SOX5: variants seen among roughly 807,000 people sequenced by gnomAD.
The protein encoded by SOX5 is SRY-box transcription factor 5.
Under a neutral mutation model 92.0 loss-of-function variants are expected in SOX5, and 9 were observed. The ratio of observed to expected loss-of-function variants is 0.10; its 90% confidence interval spans 0.06 to 0.17. SOX5 has a LOEUF of 0.17. Ranked by LOEUF, SOX5 falls within the 10% of genes least tolerant of loss-of-function variation. SOX5 has a pLI of 1.00. For synonymous variants in SOX5, 344 were observed against 336.3 expected (o/e 1.02, Z -0.25); for missense variants, 642 against 944.5 (o/e 0.68, Z 4.20).
chr12:23,777,865 G>A (rs532380504), intron 3 of SOX5, among the ~76,000 whole-genome samples: 85 of 152,258 alleles, frequency 5.6e-4, no homozygotes, highest in Middle Eastern at 3.4e-3. Flanking sequence ...TGATACATAA[G>A]AGATGAGATT....
rs372400590 is a variant in SOX5, at chr12:23,790,751, G to A, written c.482-35027C>T. On this transcript the variant is annotated intron_variant, in intron 3 of 14. Transcript: ENST00000451604. ...TGTGATTGTCTTTCAGTTACAAGCC[G>A]GCCTATCCAGACTGTACCCTACTAA... Among the ~76,000 whole-genome samples the A allele has an allele frequency of 4.3e-4, 66 of 152,034 alleles. No individual in the cohort carries two copies. The East Asian group carries it at 6.9e-3, about 16-fold the overall frequency.
intron 1 of SOX5, among the ~76,000 whole-genome samples, chr12:24,506,029 A>C (rs1457336216): frequency 6.6e-6 from 1 of 152,144 alleles, no homozygotes; most frequent in African/African-American, 2.4e-5. Flanking sequence ...TGGACTTTAA[A>C]ACTTTTCCTC....
At chr12:24,242,658 C>T (rs775946658) in intron 3 of SOX5, among the ~76,000 whole-genome samples, 15 of 150,438 alleles carry the variant, frequency 1.0e-4, no homozygotes, top group Non-Finnish European at 1.9e-4. Flanking sequence ...CACTTTTCAA[C>T]TACCCAACTG....
chr12:24,036,877 AT>A (rs1412477758), intron 4 of SOX5, among the ~76,000 whole-genome samples: 2 of 152,204 alleles, frequency 1.3e-5, no homozygotes, highest in African/African-American at 2.4e-5. Flanking sequence ...ACAATAAAGA[AT>A]CCTTTTATTG....
intron 9 of SOX5, among the ~76,000 whole-genome samples, chr12:23,589,593 G>A (rs1951233487): frequency 6.6e-6 from 1 of 151,868 alleles, no homozygotes; most frequent in African/African-American, 2.4e-5. Flanking sequence ...AGTAAGGGCT[G>A]GGAAGTAAGG....
chr12:24,213,419 T>TAAAAAAAAAAAAAAAAAAAAAA (rs67296842), intron 3 of SOX5: 1 of 96,862 alleles, frequency 1.0e-5, no homozygotes, highest in Non-Finnish European at 2.1e-5. Flanking sequence ...CTTGAAATGC[T>TAAAAAAAAAAAAAAAAAAAAAA]AAAAAAAAAA....
At chr12:24,177,898 T>G (rs1453943478) in intron 4 of SOX5, among the ~76,000 whole-genome samples, 1 of 152,206 alleles carries the variant, frequency 6.6e-6, no homozygotes, top group Non-Finnish European at 1.5e-5. Context: ...TTTTAGTGTG[T>G]GTGTTTCAAT....
chr12:23,601,867 G>A (rs2074540138), intron 9 of SOX5, among the ~76,000 whole-genome samples: 1 of 152,106 alleles, frequency 6.6e-6, no homozygotes, highest in Admixed American at 6.5e-5. Flanking sequence ...ACACACTGAA[G>A]AAATCTTTTC....
Position 24,494,593 on chromosome 12 carries a change from C to T in SOX5, c.-251+67736G>A, listed in dbSNP as rs74865664. On this transcript the variant is annotated intron_variant, in intron 1 of 4. Coordinates refer to the SOX5 transcript ENST00000446891. Reference sequence around the variant, plus strand: ...CATTCAACTTTCACAACTTCAACCCCCACCTTTACTCTTCCCTGGAAGTAA... The same window carrying T: ...CATTCAACTTTCACAACTTCAACCCTCACCTTTACTCTTCCCTGGAAGTAA... 3.0e-3 allele frequency among the ~76,000 whole-genome samples: 458 copies of T among 152,272 alleles called. 4 individuals are homozygous for T. Among genetic ancestry groups the T allele is most frequent in the African/African-American group, 9.6e-3 (400 of 41,556 alleles).
At chr12:23,661,983 T>C (rs74071402) in intron 7 of SOX5, among the ~76,000 whole-genome samples, 2,351 of 152,274 alleles carry the variant, frequency 0.015, 52 homozygotes, top group African/African-American at 0.054. Flanking sequence ...AAGTTGACAG[T>C]TTTAATAGAA....
chr12:24,453,666 C>G (rs886343750), intron 1 of SOX5, among the ~76,000 whole-genome samples: 2 of 152,130 alleles, frequency 1.3e-5, no homozygotes, highest in African/African-American at 4.8e-5. Flanking sequence ...TGAGCACATT[C>G]ACACAAGCAA....
At chr12:23,792,343 G>A (rs1353758542) in intron 3 of SOX5, among the ~76,000 whole-genome samples, 4 of 151,910 alleles carry the variant, frequency 2.6e-5, no homozygotes, top group Admixed American at 1.3e-4. Context: ...ATCTCGGACA[G>A]GCCAGGCACA....
At chr12:23,654,478 T>C (rs1467270830) in intron 7 of SOX5, among the ~76,000 whole-genome samples, 1 of 152,136 alleles carries the variant, frequency 6.6e-6, no homozygotes, top group Non-Finnish European at 1.5e-5. Context: ...CATATAAACA[T>C]ATAATCAAAA....
chr12:23,797,367 AG>A (rs1409093822), intron 3 of SOX5, among the ~76,000 whole-genome samples: 1 of 152,042 alleles, frequency 6.6e-6, no homozygotes, highest in Non-Finnish European at 1.5e-5. Context: ...TAACTCCACC[AG>A]GCTATGTGGG....
intron 1 of SOX5, among the ~76,000 whole-genome samples, chr12:24,385,671 TG>T (rs146324130): frequency 0.017 from 2,607 of 152,188 alleles, 62 homozygotes; most frequent in African/African-American, 0.059. Flanking sequence ...AAGATTTATA[TG>T]GCAGCCGGGC....
chr12:23,731,151 G>A (rs1046310904), intron 6 of SOX5, among the ~76,000 whole-genome samples: 1 of 152,174 alleles, frequency 6.6e-6, no homozygotes, highest in Admixed American at 6.5e-5. Flanking sequence ...TGTACTCCAG[G>A]ACTCACACTT....
chr12:23,698,573 A>T (rs1441924923), intron 6 of SOX5, among the ~76,000 whole-genome samples: 3 of 152,176 alleles, frequency 2.0e-5, no homozygotes, highest in Non-Finnish European at 4.4e-5. Flanking sequence ...AACATAGTGA[A>T]TATATTTTTA....
intron 1 of SOX5, among the ~76,000 whole-genome samples, chr12:24,408,727 T>C (rs2136747378): frequency 6.6e-6 from 1 of 152,344 alleles, no homozygotes; most frequent in East Asian, 1.9e-4. Flanking sequence ...GTATGGATTG[T>C]TTAATCATTT....
At chr12:23,589,502 T>A (rs1369605937) in intron 9 of SOX5, among the ~76,000 whole-genome samples, 3 of 151,864 alleles carry the variant, frequency 2.0e-5, no homozygotes, top group African/African-American at 4.8e-5. Context: ...CTTTCCTAAT[T>A]TCAAGATATC....
Sources: gnomAD v4.1 joint callset for allele counts (sites outside exome capture counted in the v4.1 genomes callset) on GRCh38, gnomAD v4.1.1 for gene constraint, MANE v1.5 for transcripts, NCBI Gene and HGNC (gene_info 2026-07-23, HGNC 2026-07-21) for gene names.